The following EDIL3 variants were observed in gnomAD, a reference collection of about 807,000 sequenced individuals.
EDIL3 encodes EGF like and discoidin domains 3.
Under a neutral mutation model 67.4 loss-of-function variants are expected in EDIL3, and 37 were observed. The ratio of observed to expected loss-of-function variants is 0.55; its 90% CI spans 0.42 to 0.72. The LOEUF (loss-of-function observed/expected upper bound fraction) is 0.72, where lower values mean the gene tolerates loss of function less well. EDIL3 is among the 30% of genes least tolerant of loss of function. The probability of loss-of-function intolerance (pLI) is 0.00; values close to 1 mark genes in which losing one functional copy is unlikely to be tolerated. For missense variants in EDIL3, 527 were observed against 586.3 expected, an observed-to-expected ratio of 0.90 and a Z score of 1.04; for synonymous variants, 195 against 196.3, an observed-to-expected ratio of 0.99 and a Z score of 0.05.
chr5:84,234,454 C>T lies in EDIL3; in HGVS notation c.197-4570G>A, dbSNP rs193040798. Among the ~76,000 whole-genome samples the T allele has an allele frequency of 1.9e-3, 293 of 152,190 alleles. 1 individual carries two copies. Among genetic ancestry groups the T allele is most frequent in the Middle Eastern group, 6.8e-3 (2 of 294 alleles). ...GTACAACTACCCAGGCCCAGTGGGC[C>T]GTATATTACCCTGATACAACACGAT... is the stretch of plus-strand genomic sequence containing the variant. On this transcript the variant is annotated intron_variant, in intron 2 of 10. Coordinates refer to ENST00000296591, the MANE Select transcript of EDIL3 (RefSeq NM_005711.5).
intron 9 of EDIL3, among the ~76,000 whole-genome samples, 179 bp from the exon 10 acceptor site, chr5:83,963,539 G>C (rs1744641742): frequency 1.3e-5 from 2 of 151,570 alleles, no homozygotes; most frequent in Admixed American, 1.3e-4. Context: ...TATTGCCACT[G>C]GGTTAATGTA....
chr5:84,047,174 G>A (rs1338450367), intron 9 of EDIL3, among the ~76,000 whole-genome samples: 4 of 152,066 alleles, frequency 2.6e-5, no homozygotes, highest in African/African-American at 9.7e-5. Context: ...TTCTGAGATT[G>A]TACCCTGTAT....
At chr5:84,141,841 T>G (rs559224931) in intron 4 of EDIL3, among the ~76,000 whole-genome samples, 61 of 148,202 alleles carry the variant, frequency 4.1e-4, no homozygotes, top group African/African-American at 1.4e-3. Context: ...GGTTTTTTCC[T>G]AGCAGAAATG....
chr5:84,314,536 G>A (rs1346372302), intron 1 of EDIL3, among the ~76,000 whole-genome samples: 1 of 152,116 alleles, frequency 6.6e-6, no homozygotes, highest in Non-Finnish European at 1.5e-5. Context: ...TAAGTTAAAA[G>A]GTTTCCTAGA....
intron 10 of EDIL3, among the ~76,000 whole-genome samples, chr5:83,961,952 T>C (rs1445485071): frequency 6.6e-6 from 1 of 151,410 alleles, no homozygotes; most frequent in African/African-American, 2.4e-5. Flanking sequence ...TGTTAACATG[T>C]GAAATGTGCA....
chr5:84,118,726 G>A (rs148151044), intron 5 of EDIL3, among the ~76,000 whole-genome samples: 1,581 of 152,224 alleles, frequency 0.01, 11 homozygotes, highest in Middle Eastern at 0.02. Flanking sequence ...GTGGCCTTGG[G>A]GGAATTGTTT....
intron 1 of EDIL3, among the ~76,000 whole-genome samples, chr5:84,301,634 A>T (rs1366602113): frequency 6.6e-6 from 1 of 152,224 alleles, no homozygotes; most frequent in Non-Finnish European, 1.5e-5. Flanking sequence ...GTAAAGAATG[A>T]AACTATGGCT....
chr5:84,349,678 A>T (rs1747315555), intron 1 of EDIL3, among the ~76,000 whole-genome samples: 1 of 151,910 alleles, frequency 6.6e-6, no homozygotes, highest in Non-Finnish European at 1.5e-5. Flanking sequence ...ATCTGACCTA[A>T]TTTTTTCTCT....
At chr5:84,239,730 C>T (rs1032695191) in intron 2 of EDIL3, among the ~76,000 whole-genome samples, 4 of 152,080 alleles carry the variant, frequency 2.6e-5, no homozygotes, top group Admixed American at 6.6e-5. Flanking sequence ...ATCTTTGCAA[C>T]GGGAAAGAAT....
At chr5:84,382,352 G>A (rs1226151220) in intron 1 of EDIL3, among the ~76,000 whole-genome samples, 1 of 152,168 alleles carries the variant, frequency 6.6e-6, no homozygotes, top group Non-Finnish European at 1.5e-5. Context: ...CAGAGCTCCT[G>A]GCTGCAGCGA....
At chr5:84,042,847 T>C (rs1191173436) in intron 9 of EDIL3, among the ~76,000 whole-genome samples, 2 of 152,226 alleles carry the variant, frequency 1.3e-5, no homozygotes, top group Non-Finnish European at 2.9e-5. Context: ...TGCTTATGTT[T>C]GGTGTCCCAT....
chr5:84,240,755 C>G (rs1744779439), intron 2 of EDIL3, among the ~76,000 whole-genome samples: 1 of 152,158 alleles, frequency 6.6e-6, no homozygotes, highest in African/African-American at 2.4e-5. Context: ...CTATGGAATA[C>G]AGATCCACAT....
chr5:84,252,346 T>C (rs1396431296), intron 2 of EDIL3, among the ~76,000 whole-genome samples: 2 of 151,430 alleles, frequency 1.3e-5, no homozygotes, highest in African/African-American at 2.4e-5. Context: ...AAAAAGAAAT[T>C]AGCCGGGCGT....
intron 1 of EDIL3, among the ~76,000 whole-genome samples, chr5:84,325,447 A>G (rs1580079092): frequency 6.6e-6 from 1 of 151,878 alleles, no homozygotes; most frequent in East Asian, 1.9e-4. Context: ...TCACCTCACA[A>G]CCATTAGGAT....
chr5:84,177,432 A>G (rs576278943), intron 4 of EDIL3, among the ~76,000 whole-genome samples: 1 of 152,174 alleles, frequency 6.6e-6, no homozygotes, highest in Non-Finnish European at 1.5e-5. Context: ...GGTTGAGAGA[A>G]GTAGGAAAGG....
At chr5:84,276,056 C>T (rs146643622) in intron 1 of EDIL3, among the ~76,000 whole-genome samples, 1 of 152,244 alleles carries the variant, frequency 6.6e-6, no homozygotes, top group Non-Finnish European at 1.5e-5. Flanking sequence ...ATCTCTCTTA[C>T]AGTCCTGAGT....
In EDIL3 at chr5:84,365,880, T is replaced by C. The variant is rs367763721; in HGVS notation, c.67+18428A>G. 5.9e-5 allele frequency among the ~76,000 whole-genome samples: 9 copies of C among 152,280 alleles called. No homozygotes were observed. In the East Asian group the frequency reaches 1.5e-3, roughly 26 times the overall value. On this transcript the variant is annotated intron_variant, in intron 1 of 10. Transcript: ENST00000296591. ...GTAAGCACATTACATGGGTTATTTCTTTTAATCTCTACAACAGCTCTATTA... is the reference window on the plus strand; with the variant it reads ...GTAAGCACATTACATGGGTTATTTCCTTTAATCTCTACAACAGCTCTATTA...
intron 2 of EDIL3, among the ~76,000 whole-genome samples, chr5:84,230,763 A>ATGTGTGTGCG (rs1554037234): frequency 3.6e-5 from 5 of 137,130 alleles, no homozygotes; most frequent in African/African-American, 1.4e-4. Flanking sequence ...CCACTACGTG[A>ATGTGTGTGCG]TGTGTGTGTG....
chr5:84,092,625 A>G (rs1310694695), intron 6 of EDIL3, among the ~76,000 whole-genome samples: 1 of 152,194 alleles, frequency 6.6e-6, no homozygotes, highest in Non-Finnish European at 1.5e-5. Context: ...AGCTATAAAT[A>G]TACTAGTATT....
Sources: allele counts gnomAD v4.1 joint callset (sites outside exome capture counted in the v4.1 genomes callset), GRCh38; gene constraint gnomAD v4.1.1; transcripts MANE v1.5; gene names NCBI Gene and HGNC (gene_info 2026-07-23, HGNC 2026-07-21).